Variants in SAMD4B observed in about 807,000 individuals in gnomAD.
The protein encoded by SAMD4B is sterile alpha motif domain containing 4B.
SAMD4B carries 5 observed loss-of-function variants against 74.5 expected under a neutral mutation model. The ratio of observed to expected loss-of-function variants is 0.07; its 90% CI spans 0.04 to 0.14. SAMD4B has a LOEUF of 0.14. SAMD4B is among the 10% of genes least tolerant of loss of function. The pLI, the probability that SAMD4B is intolerant of heterozygous loss-of-function variation, is 1.00. For synonymous variants in SAMD4B, 373 were observed against 374.9 expected (o/e 1.00, Z 0.06); for missense variants, 608 against 921.8 (o/e 0.66, Z 4.41).
chr19:39,390,110 G>A (rs959112010), downstream of SAMD4B: 1 of 1,614,006 alleles, frequency 6.2e-7, no homozygotes, highest in African/African-American at 1.3e-5. Context: ...TGGGGTCGAA[G>A]GGGATATCAG....
intron 9 of SAMD4B, among the ~76,000 whole-genome samples, chr19:39,379,121 C>T (rs2077790852): frequency 6.6e-6 from 1 of 151,744 alleles, no homozygotes; most frequent in African/African-American, 2.4e-5. Flanking sequence ...GAACTGACCT[C>T]AAGTGATCCT....
intron 3 of SAMD4B, among the ~76,000 whole-genome samples, chr19:39,368,006 A>G (rs1003864056): frequency 3.3e-5 from 5 of 151,566 alleles, no homozygotes; most frequent in Non-Finnish European, 5.9e-5. Flanking sequence ...CGAGGTCAGG[A>G]GATCGAGACC....
Position 39,376,458 on chromosome 19 carries a change from G to T in SAMD4B, c.929G>T (p.Ser310Ile). 2 of 1,612,692 alleles carry T rather than the reference G, an allele frequency of 1.2e-6. No homozygotes were observed. The change falls in exon 6 of 14, where the codon AGC (serine) becomes ATC (isoleucine). Residue 310 changes from serine to isoleucine, a missense_variant. By Grantham distance (142) the Ser-to-Ile change is moderately radical. Around this residue, in one of 9 missense-constraint regions of SAMD4B, gnomAD observed 39 missense variants for 125.3 expected, o/e 0.31. Transcript: ENST00000610417. ...AAAGATGTGCCCTCATGGCTCAAGA[G>T]CCTCCGTTTGCACAAGTATGCAGCC... The part of the protein sequence containing the change: ...GMKDVPSWLK[S>I]LRLHKYAALF...
chr19:39,377,951 C>G (rs951341963), intron 8 of SAMD4B, 127 bp downstream of exon 8: 21 of 924,856 alleles, frequency 2.3e-5, no homozygotes, highest in Non-Finnish European at 3.2e-5. Context: ...GACTGGAACA[C>G]TACAGAGAGT....
chr19:39,345,095 T>A (rs1431917975), intron 1 of SAMD4B, among the ~76,000 whole-genome samples: 1 of 152,186 alleles, frequency 6.6e-6, no homozygotes, highest in Non-Finnish European at 1.5e-5. Flanking sequence ...GGCCCAGCAA[T>A]CAAGAGTTTT....
downstream of SAMD4B, chr19:39,388,914 C>T: frequency 3.1e-6 from 5 of 1,610,954 alleles, no homozygotes; most frequent in South Asian, 1.1e-5. Context: ...CACAAATAGG[C>T]TGTCCCTTTC....
chr19:39,363,329 C>T (rs1310890816), intron 3 of SAMD4B, among the ~76,000 whole-genome samples: 2 of 152,198 alleles, frequency 1.3e-5, no homozygotes, highest in Non-Finnish European at 2.9e-5. Flanking sequence ...AGCCCCTTCC[C>T]CCATCTGCCC....
Position 39,378,666 on chromosome 19 carries a change from C to G in SAMD4B, c.1530+77C>G. 3.9e-6 allele frequency: 5 copies of G among 1,273,972 alleles called. No homozygotes were observed. The highest frequency in any genetic ancestry group is 2.4e-5 in the South Asian group (2 of 82,242). The allele number at this position is 1,273,972 out of a possible 1,614,324, so 78.9% of individuals were successfully genotyped here. ...GTTCACGCCTGTAGTCCCAGCACTT[C>G]GGCCACCGAGGCGGGCGGATCATGA... On this transcript the variant is annotated intron_variant, in intron 9 of 13. Coordinates refer to ENST00000610417, the MANE Select transcript of SAMD4B (RefSeq NM_001384574.2). This position sits in a 1 kb window ranked among gnomAD's most constrained non-coding sequence, Gnocchi z 4.4.
chr19:39,389,052 A>G (rs1568374469), downstream of SAMD4B: 3 of 1,612,768 alleles, frequency 1.9e-6, no homozygotes, highest in South Asian at 1.1e-5. The surrounding 1 kb of genome is among the most constrained non-coding windows in gnomAD (Gnocchi z 5.3). Context: ...GGAGCTCTGC[A>G]GCCGCACCCT....
In SAMD4B at chr19:39,376,725, C is replaced by T; in HGVS notation, c.1038C>T (p.Arg346=). The change falls in exon 7 of 14, where the codon CGC becomes CGT. Residue 346 remains arginine (R), a synonymous_variant. Transcript: ENST00000610417. ...LESQNVTKGA[R]HKIALSIQKL... The stretch of plus-strand genomic sequence containing the variant: ...CACAGAACGTCACCAAAGGTGCCCG[C>T]CACAAGATAGCCCTGAGCATCCAGA... 6.2e-7 allele frequency: 1 copy of T among 1,614,212 alleles called. No homozygotes were observed. The highest frequency in any genetic ancestry group is 8.5e-7 in the Non-Finnish European group (1 of 1,180,030).
intron 3 of SAMD4B, among the ~76,000 whole-genome samples, chr19:39,362,745 T>G (rs1341936015): frequency 1.3e-5 from 2 of 152,128 alleles, no homozygotes; most frequent in Non-Finnish European, 2.9e-5. Context: ...TTCCCTCCAC[T>G]GTCCTGTAGC....
chr19:39,355,622 A>G (rs1010657831), intron 2 of SAMD4B, among the ~76,000 whole-genome samples: 1 of 152,192 alleles, frequency 6.6e-6, no homozygotes, highest in Non-Finnish European at 1.5e-5. Flanking sequence ...GATGGAAGAA[A>G]TGTTGAGTGG....
chr19:39,377,414 C>G, intron 7 of SAMD4B, 71 bp from the exon 8 acceptor site: 1 of 1,344,316 alleles, frequency 7.4e-7, no homozygotes, highest in Non-Finnish European at 1.0e-6. Context: ...CTGTCTGACT[C>G]TCTGTGTAGA....
chr19:39,361,343 G>A (rs1258462706), intron 3 of SAMD4B, among the ~76,000 whole-genome samples: 1 of 152,154 alleles, frequency 6.6e-6, no homozygotes, highest in Non-Finnish European at 1.5e-5. Context: ...CTGGCCGGGC[G>A]CCATGGCTCA....
At position 39,379,853 on chromosome 19, in the gene SAMD4B, A is replaced by C. The variant is rs1027832772; in HGVS notation, c.1531-113A>C. 3 of 879,522 alleles carry C rather than the reference A, an allele frequency of 3.4e-6. No individual in the cohort carries two copies. The East Asian group carries it at 7.9e-5, about 23-fold the overall frequency. The allele number at this position is 879,522 out of a possible 1,614,324, so 54.5% of individuals were successfully genotyped here. On this transcript the variant is annotated intron_variant, in intron 9 of 13. Coordinates refer to ENST00000610417, the MANE Select transcript of SAMD4B (RefSeq NM_001384574.2). ...CCCAAAGTGCTGGGATTACAGCTTG[A>C]GCCACCACGCCCGGCCAGGCAATAA...
Position 39,380,496 on chromosome 19 carries a change from A to G in SAMD4B, c.1650-91A>G, listed in dbSNP as rs1049295522. On this transcript the variant is annotated intron_variant, in intron 10 of 13. Transcript: ENST00000610417. The stretch of plus-strand genomic sequence containing the variant: ...GTGATGGAGGTTTATGTTCTCTCCT[A>G]CAACTTGGGGTTGTTGGGGAAGGTG... 15 of 1,349,616 alleles carry G rather than the reference A, an allele frequency of 1.1e-5. No homozygotes were observed. In the African/African-American group the frequency reaches 1.4e-4, roughly 13 times the overall value. 83.6% of individuals were successfully genotyped at this position (1,349,616 alleles called of 1,614,324 possible).
chr19:39,349,625 C>A (rs1300035345), intron 1 of SAMD4B, among the ~76,000 whole-genome samples: 1 of 152,186 alleles, frequency 6.6e-6, no homozygotes, highest in Non-Finnish European at 1.5e-5. Context: ...ACAGTCTCTT[C>A]TCAGGTTATG....
At chr19:39,390,224 G>GC (rs1460013004), downstream of SAMD4B, 3 of 1,613,286 alleles carry the variant, frequency 1.9e-6, no homozygotes, top group East Asian at 2.2e-5. Flanking sequence ...CAGCCCCACT[G>GC]CCCCACCGCT....
chr19:39,354,578 G>A (rs890892951), intron 2 of SAMD4B, among the ~76,000 whole-genome samples: 7 of 131,254 alleles, frequency 5.3e-5, no homozygotes, highest in Non-Finnish European at 3.2e-5. Flanking sequence ...TGACTGTATG[G>A]CTTGCGTTTT....
Sources: gnomAD v4.1 joint callset for allele counts (sites outside exome capture counted in the v4.1 genomes callset) on GRCh38, gnomAD v4.1.1 for gene constraint, gnomAD v4.1.1 regional missense constraint, Gnocchi (gnomAD v3.1) non-coding constraint, MANE v1.5 for transcripts, NCBI Gene and HGNC (gene_info 2026-07-23, HGNC 2026-07-21) for gene names.